DNAH7: variants seen among roughly 807,000 people sequenced by gnomAD.
The protein encoded by DNAH7 is axonemal beta dynein heavy chain 7.
A neutral mutation model predicts 444.6 loss-of-function variants in DNAH7; 397 were observed. The ratio of observed to expected loss-of-function variants is 0.89; its 90% CI spans 0.82 to 0.97. The LOEUF (loss-of-function observed/expected upper bound fraction) is 0.97. DNAH7 is among the 50% of genes least tolerant of loss of function. DNAH7 has a pLI of 0.00. For missense variants in DNAH7, 4,902 were observed against 4,800.8 expected (o/e 1.02, Z -0.62); for synonymous variants, 1,636 against 1,624.4 (o/e 1.01, Z -0.17).
intron 58 of DNAH7, among the ~76,000 whole-genome samples, chr2:195,783,710 T>C (rs950797572): frequency 4.6e-5 from 7 of 152,148 alleles, no homozygotes; most frequent in African/African-American, 1.7e-4. Flanking sequence ...GGGACACAAT[T>C]CAACTCCTAG....
intron 61 of DNAH7, among the ~76,000 whole-genome samples, chr2:195,771,268 G>GCCA (rs1694827140): frequency 1.3e-5 from 2 of 152,032 alleles, no homozygotes; most frequent in Admixed American, 6.5e-5. Context: ...TGAGCCCAGG[G>GCCA]GTTCATGGCA....
chr2:195,860,918 C>T (rs1479755688), intron 42 of DNAH7, among the ~76,000 whole-genome samples: 1 of 151,648 alleles, frequency 6.6e-6, no homozygotes, highest in Non-Finnish European at 1.5e-5. Flanking sequence ...AGATAATATT[C>T]AAACATTTAA....
chr2:195,890,778 C>A (rs1156288987), intron 31 of DNAH7, among the ~76,000 whole-genome samples: 1 of 152,162 alleles, frequency 6.6e-6, no homozygotes, highest in Non-Finnish European at 1.5e-5. Flanking sequence ...AAGAGCAGAG[C>A]TGAGATTTCA....
At chr2:195,979,476 G>T (rs1692418636) in intron 15 of DNAH7, among the ~76,000 whole-genome samples, 1 of 152,046 alleles carries the variant, frequency 6.6e-6, no homozygotes. Flanking sequence ...AGCAAAAGCA[G>T]CACAAAGAGG....
chr2:195,895,354 T>G (rs1343939848), intron 29 of DNAH7, 130 bp from the exon 30 acceptor site: 1 of 571,968 alleles, frequency 1.7e-6, no homozygotes, highest in African/African-American at 1.9e-5. Context: ...TATAGAGGAA[T>G]AGTTCACATA....
chr2:195,951,888 T>C (rs1238555305), intron 19 of DNAH7, among the ~76,000 whole-genome samples: 1 of 152,230 alleles, frequency 6.6e-6, no homozygotes, highest in Non-Finnish European at 1.5e-5. Flanking sequence ...TTATCCAATG[T>C]GACAGTCTGT....
intron 59 of DNAH7, among the ~76,000 whole-genome samples, chr2:195,777,552 T>G (rs937076898): frequency 2.0e-5 from 3 of 152,212 alleles, no homozygotes; most frequent in African/African-American, 7.2e-5. Context: ...GAGTTTATGA[T>G]GACAGAACTT....
chr2:195,746,934 G>T (rs983734731), intron 63 of DNAH7, among the ~76,000 whole-genome samples: 1 of 151,846 alleles, frequency 6.6e-6, no homozygotes, highest in Non-Finnish European at 1.5e-5. Flanking sequence ...ACAATTAAAA[G>T]AACTAGAAAA....
chr2:196,050,341 GA>G (rs1010545116), intron 3 of DNAH7, among the ~76,000 whole-genome samples: 6 of 152,088 alleles, frequency 3.9e-5, no homozygotes, highest in Admixed American at 3.9e-4. Context: ...GGAGGTGGGG[GA>G]GGGGAAAATG....
intron 51 of DNAH7, among the ~76,000 whole-genome samples, chr2:195,811,514 C>T (rs892818579): frequency 2.0e-5 from 3 of 152,096 alleles, no homozygotes; most frequent in African/African-American, 7.2e-5. Flanking sequence ...TCACGCCAGG[C>T]TAATTTTTGC....
intron 5 of DNAH7, among the ~76,000 whole-genome samples, chr2:196,034,509 C>G (rs563568834): frequency 6.6e-6 from 1 of 152,256 alleles, no homozygotes; most frequent in Admixed American, 6.5e-5. Flanking sequence ...AGGCATTTTT[C>G]CTTTGCAAAA....
chr2:195,862,825 C>G (rs974772174), intron 41 of DNAH7, among the ~76,000 whole-genome samples: 6 of 152,192 alleles, frequency 3.9e-5, no homozygotes, highest in South Asian at 2.1e-4. Context: ...CACCTGAGGT[C>G]AGGAGTTCAA....
intron 60 of DNAH7, among the ~76,000 whole-genome samples, chr2:195,772,781 C>CT (rs201466193): frequency 0.14 from 18,745 of 133,512 alleles, 1,854 homozygotes; most frequent in African/African-American, 0.26. Flanking sequence ...TCTACTGTGA[C>CT]TTTTTTTTTT....
intron 41 of DNAH7, among the ~76,000 whole-genome samples, chr2:195,863,811 T>C (rs1283555670): frequency 1.3e-5 from 2 of 152,158 alleles, no homozygotes; most frequent in Non-Finnish European, 2.9e-5. Flanking sequence ...CCCTCTTGGT[T>C]CCCTTAACCC....
intron 63 of DNAH7, among the ~76,000 whole-genome samples, chr2:195,749,603 C>T (rs1347054363): frequency 6.6e-6 from 1 of 150,910 alleles, no homozygotes; most frequent in African/African-American, 2.4e-5. Flanking sequence ...CAATGATAGA[C>T]TGGATTAAGA....
chr2:195,770,560 C>T (rs1189348576), intron 61 of DNAH7, among the ~76,000 whole-genome samples: 2 of 152,040 alleles, frequency 1.3e-5, no homozygotes, highest in Non-Finnish European at 2.9e-5. Flanking sequence ...TTCCCTGAAA[C>T]GTTCCATGGA....
intron 64 of DNAH7, 148 bp from the exon 65 acceptor site, chr2:195,738,275 T>G: frequency 1.5e-6 from 1 of 652,020 alleles, no homozygotes; most frequent in Non-Finnish European, 2.6e-6. Flanking sequence ...TTGTTGTGAT[T>G]GCTCAAAACA....
Position 196,027,970 on chromosome 2 carries a change from TTCTC to T in DNAH7, c.472_475del (p.Glu158LysfsTer4). 1 of 1,611,816 alleles carries T rather than the reference TTCTC, an allele frequency of 6.2e-7. No homozygotes were observed. The highest frequency in any genetic ancestry group is 8.5e-7 in the Non-Finnish European group (1 of 1,178,778). On this transcript the variant is annotated frameshift_variant, in exon 6 of 65. Coordinates refer to ENST00000312428, the MANE Select transcript of DNAH7 (RefSeq NM_018897.3). LOFTEE classifies it high-confidence loss of function. ...CAAATGGCCAGTTACCAAGATGTCT[TTCTC>T]TATAGCAGAAGCGGTCGGTTTTGGA...
intron 21 of DNAH7, among the ~76,000 whole-genome samples, chr2:195,933,237 A>C: frequency 6.6e-6 from 1 of 152,208 alleles, no homozygotes; most frequent in East Asian, 1.9e-4. Context: ...CGATCATTAA[A>C]AAGTCAGGAA....
Sources: allele counts gnomAD v4.1 joint callset (sites outside exome capture counted in the v4.1 genomes callset), GRCh38; gene constraint gnomAD v4.1.1; transcripts MANE v1.5; gene names NCBI Gene and HGNC (gene_info 2026-07-23, HGNC 2026-07-21).